The following MAML2 variants were observed in gnomAD, a reference collection of about 807,000 sequenced individuals.
MAML2 encodes mastermind-like protein 2.
Under a neutral mutation model 96.1 loss-of-function variants are expected in MAML2, and 22 were observed. That is an observed-to-expected ratio of 0.23 (90% CI 0.16 to 0.33). The LOEUF is 0.33. Among genes scored for constraint, MAML2 ranks in the 10% least tolerant of loss-of-function variants. The pLI is 1.00. For synonymous variants in MAML2, 561 were observed against 521.3 expected (o/e 1.08, Z -1.04); for missense variants, 1,367 against 1,392.4 (o/e 0.98, Z 0.29).
At chr11:96,047,070 A>G (rs1216151045) in intron 2 of MAML2, among the ~76,000 whole-genome samples, 1 of 152,122 alleles carries the variant, frequency 6.6e-6, no homozygotes, top group African/African-American at 2.4e-5. Flanking sequence ...TGCCTTTGGT[A>G]CCTTCTATCT....
chr11:96,070,044 T>A (rs550216131), intron 2 of MAML2, among the ~76,000 whole-genome samples: 29 of 143,642 alleles, frequency 2.0e-4, no homozygotes, highest in African/African-American at 7.3e-4. Context: ...AATAAATAAA[T>A]AAATAAGGAG....
At chr11:95,986,506 T>A (rs1385326798) in intron 3 of MAML2, among the ~76,000 whole-genome samples, 2 of 152,124 alleles carry the variant, frequency 1.3e-5, no homozygotes. Flanking sequence ...AGCTCTGTAT[T>A]CTTATTTGTT....
At chr11:96,030,030 G>A (rs974192532) in intron 2 of MAML2, among the ~76,000 whole-genome samples, 2 of 152,066 alleles carry the variant, frequency 1.3e-5, no homozygotes, top group Non-Finnish European at 2.9e-5. Context: ...TCAGACGTTC[G>A]AGACCAACCT....
chr11:96,182,887 C>T (rs138835409), intron 1 of MAML2, among the ~76,000 whole-genome samples: 25 of 151,930 alleles, frequency 1.6e-4, no homozygotes, highest in African/African-American at 6.0e-4. Flanking sequence ...TTGTCGCTAT[C>T]ATACCCGTTA....
chr11:96,038,400 A>G (rs1858753003), intron 2 of MAML2, among the ~76,000 whole-genome samples: 1 of 152,236 alleles, frequency 6.6e-6, no homozygotes. Context: ...TCTACTGAAC[A>G]CATCTTAGGA....
At chr11:96,233,710 C>G (rs1862328784) in intron 1 of MAML2, among the ~76,000 whole-genome samples, 1 of 152,128 alleles carries the variant, frequency 6.6e-6, no homozygotes, top group Non-Finnish European at 1.5e-5. Context: ...TGCCTGACCC[C>G]CATTCTTTAT....
chr11:96,335,043 A>C (rs535475309), intron 1 of MAML2, among the ~76,000 whole-genome samples: 2 of 152,320 alleles, frequency 1.3e-5, no homozygotes, highest in Admixed American at 1.3e-4. Context: ...GTCAGCATCC[A>C]AGCATCATGC....
intron 2 of MAML2, among the ~76,000 whole-genome samples, chr11:96,085,559 A>G (rs1002276870): frequency 7.9e-5 from 12 of 152,230 alleles, no homozygotes; most frequent in Non-Finnish European, 1.2e-4. Flanking sequence ...ACAGTTAAAT[A>G]TCTGTCAGAT....
At chr11:96,131,854 A>G (rs1020969604) in intron 1 of MAML2, among the ~76,000 whole-genome samples, 1 of 152,168 alleles carries the variant, frequency 6.6e-6, no homozygotes, top group African/African-American at 2.4e-5. Flanking sequence ...TACTAAAAAT[A>G]CAAAAATTAG....
At chr11:96,198,233 G>T (rs1407260156) in intron 1 of MAML2, among the ~76,000 whole-genome samples, 4 of 152,210 alleles carry the variant, frequency 2.6e-5, no homozygotes, top group African/African-American at 9.6e-5. Context: ...CAGTGAGTTT[G>T]CTTTCCCCAG....
intron 2 of MAML2, among the ~76,000 whole-genome samples, chr11:96,019,125 G>T (rs1858399174): frequency 6.6e-6 from 1 of 152,050 alleles, no homozygotes; most frequent in Non-Finnish European, 1.5e-5. Flanking sequence ...TATTTTGTTT[G>T]TTTCTTAAGG....
chr11:96,026,381 C>G (rs1858517604), intron 2 of MAML2, among the ~76,000 whole-genome samples: 1 of 152,082 alleles, frequency 6.6e-6, no homozygotes. Context: ...AGGGACCACC[C>G]AAGAGAGATA....
intron 1 of MAML2, among the ~76,000 whole-genome samples, chr11:96,166,439 T>G (rs1191800240): frequency 2.6e-5 from 4 of 152,220 alleles, no homozygotes; most frequent in African/African-American, 7.2e-5. Flanking sequence ...TCTTGTTTTC[T>G]TATTGTTTCT....
intron 1 of MAML2, among the ~76,000 whole-genome samples, chr11:96,106,425 G>T (rs914367564): frequency 6.6e-6 from 1 of 152,162 alleles, no homozygotes; most frequent in African/African-American, 2.4e-5. Flanking sequence ...ATATGTTACA[G>T]TTCCTTTCTA....
At chr11:96,021,695 T>C (rs893371003) in intron 2 of MAML2, among the ~76,000 whole-genome samples, 1 of 152,370 alleles carries the variant, frequency 6.6e-6, no homozygotes, top group African/African-American at 2.4e-5. Flanking sequence ...GTGACTATGA[T>C]GGGCAGAACC....
intron 1 of MAML2, among the ~76,000 whole-genome samples, chr11:96,266,062 C>T (rs1862820921): frequency 6.6e-6 from 1 of 152,162 alleles, no homozygotes; most frequent in African/African-American, 2.4e-5. Flanking sequence ...ACTGGGGCTT[C>T]AAAAGCTGTA....
intron 1 of MAML2, among the ~76,000 whole-genome samples, chr11:96,194,141 G>A (rs766798490): frequency 3.3e-5 from 5 of 152,218 alleles, no homozygotes; most frequent in Non-Finnish European, 7.3e-5. Context: ...AAGAAAGGCC[G>A]AGACTCTAAT....
chr11:96,288,749 A>C lies in MAML2; in HGVS notation c.513+52634T>G, dbSNP rs946117883. On this transcript the variant is annotated intron_variant, in intron 1 of 4. Transcript: ENST00000524717. ...TGGCATTCAAACACTTGTGTATTAT[A>C]CATTTAAATTAATTTTAATTATTTT... is the stretch of plus-strand genomic sequence containing the variant. Among the ~76,000 whole-genome samples, 4 of 152,350 alleles carry C rather than the reference A, an allele frequency of 2.6e-5. No homozygotes were observed. In the East Asian group the frequency reaches 7.7e-4, roughly 29 times the overall value.
intron 1 of MAML2, among the ~76,000 whole-genome samples, chr11:96,198,850 C>G (rs1386108094): frequency 5.3e-5 from 8 of 152,040 alleles, no homozygotes; most frequent in Non-Finnish European, 1.2e-4. Context: ...GACAGAGTGA[C>G]TAAGATTTAC....
Sources: allele counts gnomAD v4.1 joint callset (sites outside exome capture counted in the v4.1 genomes callset), GRCh38; gene constraint gnomAD v4.1.1; transcripts MANE v1.5; gene names NCBI Gene and HGNC (gene_info 2026-07-23, HGNC 2026-07-21).